SMARCA5: variants seen among roughly 807,000 people sequenced by gnomAD.
The protein encoded by SMARCA5 is SWI/SNF-related matrix-associated actin-dependent regulator of chromatin subfamily A member 5.
Under a neutral mutation model 140.4 loss-of-function variants are expected in SMARCA5, and 18 were observed. That is an observed-to-expected ratio of 0.13 (90% confidence interval 0.09 to 0.19). SMARCA5 has a LOEUF of 0.19. SMARCA5 is among the 10% of genes least tolerant of loss of function. The probability of loss-of-function intolerance (pLI) is 1.00; values close to 1 mark genes in which losing one functional copy is unlikely to be tolerated. For missense variants in SMARCA5, 606 were observed against 1,276.8 expected (o/e 0.47, Z 8.01); for synonymous variants, 449 against 419.6 (o/e 1.07, Z -0.86).
intron 2 of SMARCA5, among the ~76,000 whole-genome samples, 178 bp from the exon 3 acceptor site, chr4:143,521,251 T>C (rs1172362993): frequency 6.6e-6 from 1 of 152,108 alleles, no homozygotes; most frequent in African/African-American, 2.4e-5. Flanking sequence ...GCATGTAGTC[T>C]TTTGTGTTTG....
chr4:143,542,824 A>G (rs1041141088), intron 14 of SMARCA5, among the ~76,000 whole-genome samples: 1 of 152,158 alleles, frequency 6.6e-6, no homozygotes, highest in African/African-American at 2.4e-5. Flanking sequence ...TGATCCAGAT[A>G]CATTTTCTCA....
chr4:143,540,868 A>G (rs984624950), intron 14 of SMARCA5, among the ~76,000 whole-genome samples: 2 of 152,112 alleles, frequency 1.3e-5, no homozygotes, highest in African/African-American at 4.8e-5. Context: ...TGTACTAACT[A>G]CTCTTGATTA....
intron 3 of SMARCA5, among the ~76,000 whole-genome samples, chr4:143,523,985 C>T (rs962798830): frequency 1.3e-5 from 2 of 152,060 alleles, no homozygotes; most frequent in African/African-American, 4.8e-5. Context: ...GCAGCTTTTG[C>T]TCGAAGTTAC....
intron 6 of SMARCA5, among the ~76,000 whole-genome samples, chr4:143,527,357 G>A (rs758909404): frequency 2.6e-5 from 4 of 152,200 alleles, no homozygotes; most frequent in Middle Eastern, 3.4e-3. Flanking sequence ...GATATTTTAA[G>A]TTATCAATTT....
At chr4:143,552,432 A>G (rs1737657344) in intron 23 of SMARCA5, among the ~76,000 whole-genome samples, 2 of 152,176 alleles carry the variant, frequency 1.3e-5, no homozygotes, top group South Asian at 4.1e-4. Context: ...AAATACTTAA[A>G]AAGTACAAAT....
intron 23 of SMARCA5, 122 bp from the exon 24 acceptor site, chr4:143,552,997 G>T: frequency 1.5e-6 from 1 of 670,844 alleles, no homozygotes; most frequent in Non-Finnish European, 2.7e-6. Flanking sequence ...ATAGCCTGGG[G>T]GAAAAGTCTC....
At chr4:143,536,862 G>C (rs1223432515) in intron 11 of SMARCA5, among the ~76,000 whole-genome samples, 184 bp downstream of exon 11, 1 of 152,054 alleles carries the variant, frequency 6.6e-6, no homozygotes, top group Non-Finnish European at 1.5e-5. Context: ...AAGTCTCTTA[G>C]AAGGTAAGCA....
At position 143,555,559 on chromosome 4, in the gene SMARCA5, G is replaced by T; in HGVS notation, c.*2375G>T. ...GTTTTAATAATCTGATCATGATACT[G>T]AATAAATGTCTTTTTTTTTTTTTAA... On this transcript the variant is annotated 3_prime_UTR_variant, in exon 24 of 24. Coordinates refer to ENST00000283131, the MANE Select transcript of SMARCA5 (RefSeq NM_003601.4). 1 of 317,666 alleles carries T rather than the reference G, an allele frequency of 3.1e-6. No homozygotes were observed. Among genetic ancestry groups the T allele is most frequent in the East Asian group, 7.4e-5 (1 of 13,540 alleles). The allele number at this position is 317,666 out of a possible 1,614,324, so 19.7% of individuals were successfully genotyped here.
intron 1 of SMARCA5, among the ~76,000 whole-genome samples, chr4:143,516,578 A>G (rs2149815692): frequency 6.6e-6 from 1 of 152,318 alleles, no homozygotes; most frequent in African/African-American, 2.4e-5. Flanking sequence ...GGGTCTTAAC[A>G]ATGAAGTTAG....
intron 3 of SMARCA5, among the ~76,000 whole-genome samples, chr4:143,521,893 CAAAAAAAAAA>C (rs58679947): frequency 4.5e-5 from 2 of 44,808 alleles, no homozygotes; most frequent in African/African-American, 8.5e-5. Context: ...CCCATCTCTA[CAAAAAAAAAA>C]AAAAAAAAAA....
At position 143,555,370 on chromosome 4, in the gene SMARCA5, A is replaced by G; in HGVS notation, c.*2186A>G. ...AATCCCCACTGCCACCATATCCATCACCACCACCATGGCTGCCACCAAAGC... is the reference window on the plus strand; with the variant it reads ...AATCCCCACTGCCACCATATCCATCGCCACCACCATGGCTGCCACCAAAGC... On this transcript the variant is annotated 3_prime_UTR_variant, in exon 24 of 24. Transcript: ENST00000283131. The G allele has an allele frequency of 1.9e-5, 13 of 699,764 alleles. No individual in the cohort carries two copies. The highest frequency in any genetic ancestry group is 1.6e-4 in the South Asian group (12 of 73,190). 43.3% of individuals were successfully genotyped at this position (699,764 alleles called of 1,614,324 possible). A position where few individuals can be genotyped will look rare whatever the true frequency, so the allele number is the denominator to read the frequency against.
intron 9 of SMARCA5, among the ~76,000 whole-genome samples, chr4:143,532,064 C>T (rs1239683753): frequency 6.6e-6 from 1 of 152,172 alleles, no homozygotes; most frequent in Non-Finnish European, 1.5e-5. Flanking sequence ...GTATACCTGG[C>T]ACAATGCCTA....
intron 22 of SMARCA5, 130 bp from the exon 23 acceptor site, chr4:143,549,867 G>T (rs1011864149): frequency 3.1e-5 from 15 of 483,524 alleles, no homozygotes; most frequent in African/African-American, 6.4e-5. Context: ...AAAATCAGTT[G>T]TTTTTTTTTT....
Position 143,530,484 on chromosome 4 carries a change from C to T in SMARCA5, c.1116C>T (p.Asn372=). 1 of 1,611,536 alleles carries T rather than the reference C, an allele frequency of 6.2e-7. No homozygotes were observed. The highest frequency in any genetic ancestry group is 1.7e-5 in the Admixed American group (1 of 59,796). ...ACTTTGATTCCTGGTTTGATACAAA[C>T]AACTGCCTTGGGGATCAAAAACTAG... ...ADDFDSWFDT[N]NCLGDQKLVE... The change falls in exon 9 of 24, where the codon AAC becomes AAT. Residue 372 remains asparagine, a synonymous_variant. Transcript: ENST00000283131.
chr4:143,536,387 T>C (rs976997435), intron 10 of SMARCA5, 65 bp from the exon 11 acceptor site: 2 of 1,072,076 alleles, frequency 1.9e-6, no homozygotes, highest in African/African-American at 3.1e-5. Flanking sequence ...GGATTAAGTA[T>C]GTAAAGTGGC....
At chr4:143,524,220 C>A in intron 3 of SMARCA5, 147 bp from the exon 4 acceptor site, 2 of 492,200 alleles carry the variant, frequency 4.1e-6, no homozygotes, top group Non-Finnish European at 7.4e-6. Context: ...TTTAAATGTA[C>A]TCATATTTTC....
chr4:143,547,458 G>A lies in SMARCA5; in HGVS notation c.2727G>A (p.Ala909=), dbSNP rs756799564. The A allele has an allele frequency of 1.8e-5, 29 of 1,609,550 alleles. No individual in the cohort carries two copies. Among genetic ancestry groups the A allele is most frequent in the South Asian group, 7.7e-5 (7 of 90,924 alleles). The change falls in exon 21 of 24, where the codon GCG becomes GCA. Residue 909 remains alanine (A), a synonymous_variant. Coordinates refer to ENST00000283131, the MANE Select transcript of SMARCA5 (RefSeq NM_003601.4). ...KIMAQIERGE[A]RIQRRISIKK... ...TGGCTCAGATTGAAAGGGGAGAGGC[G>A]AGAATTCAAAGAAGAATAAGCATCA...
At chr4:143,536,239 G>C (rs978955789) in intron 10 of SMARCA5, among the ~76,000 whole-genome samples, 1 of 152,096 alleles carries the variant, frequency 6.6e-6, no homozygotes, top group Admixed American at 6.5e-5. Context: ...GGCCCAAGGC[G>C]TAAGTATGAA....
At chr4:143,528,078 A>C in intron 7 of SMARCA5, 55 bp downstream of exon 7, 3 of 1,393,844 alleles carry the variant, frequency 2.2e-6, no homozygotes, top group Non-Finnish European at 2.9e-6. Context: ...ATTAAAGTAC[A>C]GATTTTTTTT....
Sources: allele counts gnomAD v4.1 joint callset (sites outside exome capture counted in the v4.1 genomes callset), GRCh38; gene constraint gnomAD v4.1.1; transcripts MANE v1.5; gene names NCBI Gene and HGNC (gene_info 2026-07-23, HGNC 2026-07-21).